The following AGAP1 variants were observed in gnomAD, a reference collection of about 807,000 sequenced individuals.
AGAP1 encodes the protein ArfGAP with GTPase domain, ankyrin repeat and PH domain 1.
AGAP1 carries 29 observed loss-of-function variants against 105.3 expected under a neutral mutation model. That is an observed-to-expected ratio of 0.28 (90% CI 0.21 to 0.38). The LOEUF (loss-of-function observed/expected upper bound fraction) is 0.38, where lower values mean the gene tolerates loss of function less well. AGAP1 is among the 10% of genes least tolerant of loss of function. The pLI, the probability that AGAP1 is intolerant of heterozygous loss-of-function variation, is 1.00. For missense variants in AGAP1, 998 were observed against 1,165.1 expected (o/e 0.86, Z 2.09); for synonymous variants, 509 against 485.9 (o/e 1.05, Z -0.63).
intron 1 of AGAP1, among the ~76,000 whole-genome samples, chr2:235,653,927 G>T (rs1200187797): frequency 6.6e-6 from 1 of 152,176 alleles, no homozygotes; most frequent in African/African-American, 2.4e-5. Context: ...GTGGTGGCAG[G>T]CGCCTGTAAT....
chr2:235,909,326 T>A (rs548543696), intron 11 of AGAP1, among the ~76,000 whole-genome samples: 2 of 152,220 alleles, frequency 1.3e-5, no homozygotes, highest in East Asian at 3.8e-4. Flanking sequence ...ATATAAAATG[T>A]AAATTCTGTG....
chr2:235,759,440 A>T (rs560155897), intron 6 of AGAP1, among the ~76,000 whole-genome samples: 24 of 152,306 alleles, frequency 1.6e-4, no homozygotes, highest in African/African-American at 4.3e-4. Flanking sequence ...AAGTGCTGGG[A>T]TTACAGGCGT....
In AGAP1 at chr2:235,736,114, G is replaced by A. The variant is rs914489548; in HGVS notation, c.311-4849G>A. On this transcript the variant is annotated intron_variant, in intron 3 of 17. Coordinates refer to ENST00000304032, the MANE Select transcript of AGAP1 (RefSeq NM_001037131.3). This position sits in a 1 kb window ranked among gnomAD's most constrained non-coding sequence, Gnocchi z 5.5. ...CTCTGTTTTCCCCTCTCACTGAGAT[G>A]CGGTCACAGCTGCCCAGCGACCTGG... Among the ~76,000 whole-genome samples, 6 of 151,604 alleles carry A rather than the reference G, an allele frequency of 4.0e-5. No homozygotes were observed. The highest frequency in any genetic ancestry group is 4.0e-4 in the Admixed American group (6 of 15,184).
At chr2:235,944,038 A>T (rs1198714727) in intron 12 of AGAP1, among the ~76,000 whole-genome samples, 7 of 152,216 alleles carry the variant, frequency 4.6e-5, no homozygotes, top group African/African-American at 1.7e-4. Flanking sequence ...ACTCTTTTAT[A>T]TGAGAAGAAA....
intron 9 of AGAP1, among the ~76,000 whole-genome samples, chr2:235,852,307 C>A (rs928811875): frequency 2.6e-5 from 4 of 152,184 alleles, no homozygotes; most frequent in African/African-American, 9.7e-5. Context: ...GTGCATAATG[C>A]CTATTGTCTG....
intron 10 of AGAP1, among the ~76,000 whole-genome samples, chr2:235,899,377 G>T (rs907265879): frequency 6.6e-6 from 1 of 152,180 alleles, no homozygotes; most frequent in African/African-American, 2.4e-5. Context: ...GCCAGGCATG[G>T]TTGCAGGCGC....
At chr2:235,943,835 G>T (rs542663986) in intron 12 of AGAP1, among the ~76,000 whole-genome samples, 1 of 152,142 alleles carries the variant, frequency 6.6e-6, no homozygotes, top group African/African-American at 2.4e-5. Context: ...CAGCTTCTCC[G>T]TTAGGATTTG....
intron 1 of AGAP1, among the ~76,000 whole-genome samples, chr2:235,634,284 G>A (rs1331335244): frequency 7.9e-5 from 12 of 152,308 alleles, no homozygotes; most frequent in Admixed American, 6.5e-4. Flanking sequence ...GTATCTCTGT[G>A]TACCTGTGTA....
rs1949659988 is a variant in AGAP1, at chr2:235,689,949, A to AT, written c.164-19226dup. 1.3e-5 allele frequency among the ~76,000 whole-genome samples: 2 copies of AT among 151,166 alleles called. No homozygotes were observed. The highest frequency in any genetic ancestry group is 1.3e-4 in the Admixed American group (2 of 15,180). On this transcript the variant is annotated intron_variant, in intron 1 of 17. Coordinates refer to ENST00000304032, the MANE Select transcript of AGAP1 (RefSeq NM_001037131.3). This position sits in a 1 kb window ranked among gnomAD's most constrained non-coding sequence, Gnocchi z 4.2. ...TTTTTTTTAAATACTGCTTTTGTTTATTTTCCCTGGTCTAATTTTTTCAGA... is the reference window on the plus strand; with the variant it reads ...TTTTTTTTAAATACTGCTTTTGTTTATTTTTCCCTGGTCTAATTTTTTCAGA...
At position 235,889,398 on chromosome 2, in the gene AGAP1, T is replaced by C. The variant is rs1461123290; in HGVS notation, c.1155+5949T>C. 6.6e-6 allele frequency among the ~76,000 whole-genome samples: 1 copy of C among 152,120 alleles called. No homozygotes were observed. Among genetic ancestry groups the C allele is most frequent in the East Asian group, 1.9e-4 (1 of 5,184 alleles). ...TACTGATCCCCAGGGACTGCGTGTC[T>C]CCCTCAGAACTGGGGCAGCTTTCTA... is the stretch of plus-strand genomic sequence containing the variant. On this transcript the variant is annotated intron_variant, in intron 10 of 17. Coordinates refer to ENST00000304032, the MANE Select transcript of AGAP1 (RefSeq NM_001037131.3). This position sits in a 1 kb window ranked among gnomAD's most constrained non-coding sequence, Gnocchi z 4.6.
rs1324032375 is a variant in AGAP1 at position 235,733,022 on chromosome 2, C to G, written c.311-7941C>G. Among the ~76,000 whole-genome samples the G allele has an allele frequency of 6.6e-6, 1 of 152,204 alleles. No homozygotes were observed. The highest frequency in any genetic ancestry group is 6.5e-5 in the Admixed American group (1 of 15,282). Reference sequence around the variant, plus strand: ...GGATTTACTGAGCATCCATGCTCTGCCATCCGTCTAGTTGGAGGGAGCTGC... The same window carrying G: ...GGATTTACTGAGCATCCATGCTCTGGCATCCGTCTAGTTGGAGGGAGCTGC... On this transcript the variant is annotated intron_variant, in intron 3 of 17. Transcript: ENST00000304032. The surrounding 1 kb of genome is among the most constrained non-coding windows in gnomAD (Gnocchi z 5.0).
rs368822491 is a variant in AGAP1 at position 236,104,729 on chromosome 2, A to G, written c.2115-15463A>G. Among the ~76,000 whole-genome samples, 242 of 152,296 alleles carry G rather than the reference A, an allele frequency of 1.6e-3. 4 individuals carry two copies. Among genetic ancestry groups the G allele is most frequent in the South Asian group, 5.4e-3 (26 of 4,818 alleles). On this transcript the variant is annotated intron_variant, in intron 16 of 17. Transcript: ENST00000304032. This position sits in a 1 kb window ranked among gnomAD's most constrained non-coding sequence, Gnocchi z 4.7. ...CATGGTGAAACCCCGTCTCTACCAA[A>G]AATACAAAAATTAGCTGGGCATGGT...
Position 236,058,126 on chromosome 2 carries a change from ACT to A in AGAP1, c.2114+8850_2114+8851del, listed in dbSNP as rs2058097678. On this transcript the variant is annotated intron_variant, in intron 16 of 17. Coordinates refer to ENST00000304032, the MANE Select transcript of AGAP1 (RefSeq NM_001037131.3). The surrounding 1 kb of genome is among the most constrained non-coding windows in gnomAD (Gnocchi z 4.6). The stretch of plus-strand genomic sequence containing the variant: ...GGGTAGGGTCCAGTGGTGTGTTTTA[ACT>A]CTCTAGGTAATTCTTATGCACATTA... Among the ~76,000 whole-genome samples the A allele has an allele frequency of 6.6e-6, 1 of 152,088 alleles. No homozygotes were observed. The highest frequency in any genetic ancestry group is 1.5e-5 in the Non-Finnish European group (1 of 68,024).
intron 1 of AGAP1, chr2:235,670,697 G>GCCACGCAGCCCGCCTC: frequency 2.7e-6 from 2 of 730,384 alleles, no homozygotes; most frequent in Non-Finnish European, 4.7e-6. Flanking sequence ...GCCCGCGACC[G>GCCACGCAGCCCGCCTC]CCACGCAGCC....
chr2:235,559,937 T>C lies in AGAP1; in HGVS notation c.163+65088T>C, dbSNP rs1944093742. ...CAAATATATTCTTTTTTTCTGTGGT[T>C]TGTCCATTAATGTTCTTGATATTCT... On this transcript the variant is annotated intron_variant, in intron 1 of 17. Coordinates refer to ENST00000304032, the MANE Select transcript of AGAP1 (RefSeq NM_001037131.3). This position sits in a 1 kb window ranked among gnomAD's most constrained non-coding sequence, Gnocchi z 5.7. 6.6e-6 allele frequency among the ~76,000 whole-genome samples: 1 copy of C among 152,194 alleles called. No individual in the cohort carries two copies. Among genetic ancestry groups the C allele is most frequent in the Admixed American group, 6.5e-5 (1 of 15,280 alleles).
intron 9 of AGAP1, among the ~76,000 whole-genome samples, chr2:235,822,692 A>G (rs1420366411): frequency 2.7e-5 from 4 of 147,836 alleles, no homozygotes; most frequent in Admixed American, 6.7e-5. Flanking sequence ...TGGGAATGGG[A>G]AGAAGCTGAA....
At chr2:235,638,351 C>G (rs1421530976) in intron 1 of AGAP1, among the ~76,000 whole-genome samples, 1 of 152,160 alleles carries the variant, frequency 6.6e-6, no homozygotes, top group African/African-American at 2.4e-5. Flanking sequence ...CCTGGAGACT[C>G]CAGGCCTATG....
rs1299364710 is a variant in AGAP1, at chr2:235,891,288, T to A, written c.1155+7839T>A. Among the ~76,000 whole-genome samples the A allele has an allele frequency of 6.6e-6, 1 of 152,228 alleles. No homozygotes were observed. On this transcript the variant is annotated intron_variant, in intron 10 of 17. Transcript: ENST00000304032. The surrounding 1 kb of genome is among the most constrained non-coding windows in gnomAD (Gnocchi z 4.2). ...CGGTCAAAGCAAGCACGCTGGCTGATGCTGCTGCTCTGCGGTCTACATTTT... is the reference window on the plus strand; with the variant it reads ...CGGTCAAAGCAAGCACGCTGGCTGAAGCTGCTGCTCTGCGGTCTACATTTT...
Position 235,740,932 on chromosome 2 carries a change from C to T in AGAP1, c.311-31C>T, listed in dbSNP as rs181342958. The T allele has an allele frequency of 1.1e-5, 18 of 1,613,874 alleles. No homozygotes were observed. The highest frequency in any genetic ancestry group is 1.7e-4 in the Middle Eastern group (1 of 6,042). ...TGCCCTCCTCACTCTCTGTTGTTCTCGTGTAACGAGATGTTTTGTGTGTGT... is the reference window on the plus strand; with the variant it reads ...TGCCCTCCTCACTCTCTGTTGTTCTTGTGTAACGAGATGTTTTGTGTGTGT... On this transcript the variant is annotated intron_variant, in intron 3 of 17. Transcript: ENST00000304032. This position sits in a 1 kb window ranked among gnomAD's most constrained non-coding sequence, Gnocchi z 5.7.
Sources: allele counts gnomAD v4.1 joint callset (sites outside exome capture counted in the v4.1 genomes callset), GRCh38; gene constraint gnomAD v4.1.1; non-coding constraint Gnocchi (gnomAD v3.1); transcripts MANE v1.5; gene names NCBI Gene and HGNC (gene_info 2026-07-23, HGNC 2026-07-21).